The following WDPCP variants were observed in gnomAD, a reference collection of about 807,000 sequenced individuals.
The protein encoded by WDPCP is WD repeat containing planar cell polarity effector, also known as WD repeat-containing and planar cell polarity effector protein fritz homolog.
Under a neutral mutation model 93.1 loss-of-function variants are expected in WDPCP, and 71 were observed. The ratio of observed to expected loss-of-function variants is 0.76; its 90% CI spans 0.63 to 0.93. The LOEUF (loss-of-function observed/expected upper bound fraction) is 0.93. Ranked by LOEUF, WDPCP falls within the 40% of genes least tolerant of loss-of-function variation. WDPCP has a pLI of 0.00. For synonymous variants in WDPCP, 315 were observed against 315.0 expected (o/e 1.00, Z 0.00); for missense variants, 844 against 887.4 (o/e 0.95, Z 0.62).
chr2:63,246,069 T>G (rs1393018761), intron 14 of WDPCP, among the ~76,000 whole-genome samples: 1 of 152,140 alleles, frequency 6.6e-6, no homozygotes, highest in Admixed American at 6.6e-5. Context: ...ACATCACTGT[T>G]TTTGTTACTG....
intron 13 of WDPCP, among the ~76,000 whole-genome samples, chr2:63,310,728 A>AC (rs1302206455): frequency 4.0e-5 from 6 of 151,760 alleles, no homozygotes; most frequent in Non-Finnish European, 8.8e-5. Flanking sequence ...GCATGGTGGC[A>AC]CATGCCTGTA....
intron 14 of WDPCP, among the ~76,000 whole-genome samples, chr2:63,256,431 A>T (rs1029821019): frequency 1.3e-5 from 2 of 152,188 alleles, no homozygotes; most frequent in Non-Finnish European, 2.9e-5. Flanking sequence ...TGGCTAAAAT[A>T]AAAAAGAGAG....
chr2:63,250,292 GACAAA>G (rs1559246886), intron 14 of WDPCP, among the ~76,000 whole-genome samples: 2 of 152,064 alleles, frequency 1.3e-5, no homozygotes, highest in African/African-American at 2.4e-5. Context: ...TCACATCCTG[GACAAA>G]ACAAAATAGG....
chr2:63,320,391 A>C (rs1177717286), intron 12 of WDPCP, among the ~76,000 whole-genome samples: 5 of 152,206 alleles, frequency 3.3e-5, no homozygotes, highest in Non-Finnish European at 7.4e-5. Context: ...AATGAAAAGT[A>C]AGAGAAACAG....
intron 1 of WDPCP, among the ~76,000 whole-genome samples, chr2:63,534,801 A>G (rs1384876959): frequency 6.6e-6 from 1 of 152,204 alleles, no homozygotes; most frequent in African/African-American, 2.4e-5. Context: ...AAACTCACAC[A>G]AGACAGGGAT....
intron 15 of WDPCP, among the ~76,000 whole-genome samples, chr2:63,156,692 C>G (rs1372814387): frequency 6.6e-6 from 1 of 152,020 alleles, no homozygotes; most frequent in Non-Finnish European, 1.5e-5. Context: ...GAGCCGAGGT[C>G]GTGCCATTGC....
At chr2:63,534,689 T>G (rs1164081497) in intron 1 of WDPCP, among the ~76,000 whole-genome samples, 3 of 152,174 alleles carry the variant, frequency 2.0e-5, no homozygotes, top group Admixed American at 6.5e-5. Context: ...CTGAATAAAC[T>G]AGGTATTCAT....
chr2:63,231,377 A>C lies in WDPCP; in HGVS notation c.1915+27930T>G, dbSNP rs140680757. Among the ~76,000 whole-genome samples, 22 of 152,322 alleles carry C rather than the reference A, an allele frequency of 1.4e-4. 1 individual carries two copies. The East Asian group carries it at 4.1e-3, about 28-fold the overall frequency. ...ATAAAGAGTATTCAGTTAGGAAAAG[A>C]GGAAGTCAAATTGTCCCTGTTTGCA... On this transcript the variant is annotated intron_variant, in intron 14 of 17. Coordinates refer to ENST00000272321, the MANE Select transcript of WDPCP (RefSeq NM_015910.7).
chr2:63,806,494 G>C (rs1173658739), intron 2 of WDPCP, among the ~76,000 whole-genome samples: 1 of 152,146 alleles, frequency 6.6e-6, no homozygotes. Context: ...TGAAGTTTCG[G>C]GCACCATTGT....
chr2:63,519,983 A>T (rs1166442658), intron 1 of WDPCP, among the ~76,000 whole-genome samples: 1 of 152,208 alleles, frequency 6.6e-6, no homozygotes, highest in Non-Finnish European at 1.5e-5. Context: ...GAGTATTAAG[A>T]TTATAATAAA....
At chr2:63,505,242 C>T (rs1361216071) in intron 1 of WDPCP, among the ~76,000 whole-genome samples, 1 of 151,894 alleles carries the variant, frequency 6.6e-6, no homozygotes, top group Non-Finnish European at 1.5e-5. Flanking sequence ...TCACAGTGTT[C>T]GTACTTACAT....
intron 10 of WDPCP, among the ~76,000 whole-genome samples, chr2:63,386,371 A>C (rs954521882): frequency 2.0e-5 from 3 of 152,136 alleles, no homozygotes; most frequent in African/African-American, 7.2e-5. Flanking sequence ...AGAATAAGTA[A>C]AGAAAAAATC....
At chr2:63,718,409 G>T (rs1325358481) in intron 2 of WDPCP, among the ~76,000 whole-genome samples, 1 of 151,948 alleles carries the variant, frequency 6.6e-6, no homozygotes, top group Non-Finnish European at 1.5e-5. Flanking sequence ...CCACATCCTT[G>T]CCAACATCTG....
chr2:63,507,296 C>A (rs546940248), intron 1 of WDPCP, among the ~76,000 whole-genome samples: 1 of 152,010 alleles, frequency 6.6e-6, no homozygotes, highest in Admixed American at 6.6e-5. Flanking sequence ...ATCAGGGCAA[C>A]AGACTTTCTC....
At chr2:63,590,082 C>A (rs1268998669), upstream of WDPCP, 1 of 152,380 alleles carries the variant, frequency 6.6e-6, no homozygotes, top group Non-Finnish European at 1.5e-5. Context: ...CTACTAATTT[C>A]CAGTAGGTGT....
chr2:63,169,206 C>G (rs1309328650), intron 15 of WDPCP, among the ~76,000 whole-genome samples: 4 of 152,172 alleles, frequency 2.6e-5, no homozygotes, highest in African/African-American at 9.7e-5. Flanking sequence ...TGTTACTCAT[C>G]TCATGGTTAG....
intron 17 of WDPCP, among the ~76,000 whole-genome samples, chr2:63,127,535 A>G (rs1446560668): frequency 6.6e-6 from 1 of 151,824 alleles, no homozygotes; most frequent in Non-Finnish European, 1.5e-5. Context: ...AAATTGATAA[A>G]CTTATGATAG....
At chr2:63,492,745 A>G (rs1422059227) in intron 2 of WDPCP, 111 bp downstream of exon 2, 3 of 948,504 alleles carry the variant, frequency 3.2e-6, no homozygotes, top group Non-Finnish European at 4.9e-6. Context: ...TTAAGAATAA[A>G]GAAAGAATGC....
At chr2:63,460,290 A>G (rs1340827025) in intron 6 of WDPCP, among the ~76,000 whole-genome samples, 1 of 152,172 alleles carries the variant, frequency 6.6e-6, no homozygotes, top group Non-Finnish European at 1.5e-5. Context: ...GCTTGACCTC[A>G]TGGACATAGA....
Sources: gnomAD v4.1 joint callset for allele counts (sites outside exome capture counted in the v4.1 genomes callset) on GRCh38, gnomAD v4.1.1 for gene constraint, MANE v1.5 for transcripts, NCBI Gene and HGNC (gene_info 2026-07-23, HGNC 2026-07-21) for gene names.